RNF138: variants seen among roughly 807,000 people sequenced by gnomAD.
RNF138 encodes the protein ring finger protein 138, also known as E3 ubiquitin-protein ligase RNF138.
Under a neutral mutation model 31.0 loss-of-function variants are expected in RNF138, and 12 were observed. That is an observed-to-expected ratio of 0.39 (90% confidence interval 0.25 to 0.63). RNF138 has a LOEUF of 0.63. Ranked by LOEUF, RNF138 falls within the 20% of genes least tolerant of loss-of-function variation. RNF138 has a pLI of 0.52. For missense variants in RNF138, 192 were observed against 300.1 expected, an observed-to-expected ratio of 0.64 and a Z score of 2.66; for synonymous variants, 105 against 99.5, an observed-to-expected ratio of 1.06 and a Z score of -0.33.
chr18:32,115,861 G>A (rs944345150), intron 4 of RNF138, among the ~76,000 whole-genome samples: 2 of 151,964 alleles, frequency 1.3e-5, no homozygotes, highest in African/African-American at 4.8e-5. Context: ...GTTATCCATC[G>A]TTGCATCACA....
chr18:32,100,886 T>G (rs1025333927), intron 2 of RNF138, among the ~76,000 whole-genome samples: 5 of 152,220 alleles, frequency 3.3e-5, no homozygotes, highest in Non-Finnish European at 4.4e-5. Flanking sequence ...ATCACAGGCC[T>G]GAGCCACTGC....
chr18:32,115,038 C>A (rs1172483959), intron 4 of RNF138, among the ~76,000 whole-genome samples: 1 of 151,798 alleles, frequency 6.6e-6, no homozygotes, highest in African/African-American at 2.4e-5. Flanking sequence ...TTCTGGGTTT[C>A]TTCATTTCTA....
At chr18:32,101,525 A>G (rs1453437628) in intron 2 of RNF138, among the ~76,000 whole-genome samples, 1 of 152,134 alleles carries the variant, frequency 6.6e-6, no homozygotes, top group Non-Finnish European at 1.5e-5. Context: ...TTTAAGCCTT[A>G]GTTTCCTCAT....
chr18:32,114,937 T>C (rs1000944329), intron 4 of RNF138, among the ~76,000 whole-genome samples: 1 of 152,190 alleles, frequency 6.6e-6, no homozygotes. Flanking sequence ...TTGCCTAGTC[T>C]GAAAAAACTT....
intron 2 of RNF138, among the ~76,000 whole-genome samples, chr18:32,107,313 G>A (rs1392418901): frequency 1.4e-5 from 2 of 143,924 alleles, no homozygotes; most frequent in Admixed American, 1.5e-4. Context: ...TAGTAGAGAC[G>A]GCATTCCACT....
chr18:32,115,420 T>C (rs889428263), intron 4 of RNF138, among the ~76,000 whole-genome samples: 6 of 152,188 alleles, frequency 3.9e-5, no homozygotes, highest in African/African-American at 1.4e-4. Context: ...TTTTACATTC[T>C]ATCGCCAAAG....
At chr18:32,114,646 T>C (rs2040186110) in intron 4 of RNF138, among the ~76,000 whole-genome samples, 1 of 152,202 alleles carries the variant, frequency 6.6e-6, no homozygotes, top group African/African-American at 2.4e-5. Context: ...AAACAATGCA[T>C]TGTTAATTTT....
At chr18:32,111,245 C>T (rs1169458015) in intron 2 of RNF138, among the ~76,000 whole-genome samples, 1 of 152,210 alleles carries the variant, frequency 6.6e-6, no homozygotes, top group Admixed American at 6.5e-5. Context: ...TAGAACTTCC[C>T]AAACCAATTT....
At position 32,130,646 on chromosome 18, in the gene RNF138, T is replaced by TA. The variant is rs2040459363; in HGVS notation, c.*1463dup. ...ATAAAAAGGTATATTTTGGTTTTGTTAAAACCCTTGTTGACTTTTCTACAC... is the reference window on the plus strand; with the variant it reads ...ATAAAAAGGTATATTTTGGTTTTGTTAAAAACCCTTGTTGACTTTTCTACAC... On this transcript the variant is annotated 3_prime_UTR_variant, in exon 8 of 8. Transcript: ENST00000261593. 6.6e-6 allele frequency: 1 copy of TA among 152,500 alleles called. No homozygotes were observed. Among genetic ancestry groups the TA allele is most frequent in the African/African-American group, 2.4e-5 (1 of 41,460 alleles). 9.4% of individuals were successfully genotyped at this position (152,500 alleles called of 1,614,324 possible). A position where few individuals can be genotyped will look rare whatever the true frequency, so the allele number is the denominator to read the frequency against.
chr18:32,120,833 T>C (rs1051101138), intron 4 of RNF138, among the ~76,000 whole-genome samples: 1 of 152,148 alleles, frequency 6.6e-6, no homozygotes, highest in African/African-American at 2.4e-5. Context: ...ACCCCCAGTG[T>C]TTGTGTTTAT....
intron 2 of RNF138, among the ~76,000 whole-genome samples, chr18:32,110,631 A>C (rs1340847228): frequency 6.6e-6 from 1 of 152,156 alleles, no homozygotes; most frequent in Non-Finnish European, 1.5e-5. Flanking sequence ...GATTGGATTA[A>C]ATGTATATGT....
At chr18:32,099,366 AG>A (rs140752245) in intron 2 of RNF138, among the ~76,000 whole-genome samples, 3,057 of 152,240 alleles carry the variant, frequency 0.02, 95 homozygotes, top group African/African-American at 0.07. Flanking sequence ...GTACAGAGGA[AG>A]GAACAGTAAA....
chr18:32,119,326 T>G (rs2040266274), intron 4 of RNF138, among the ~76,000 whole-genome samples: 1 of 152,038 alleles, frequency 6.6e-6, no homozygotes, highest in Admixed American at 6.5e-5. Flanking sequence ...TCTCAAACTC[T>G]GGGGATCAAA....
chr18:32,111,602 A>G, intron 2 of RNF138, 152 bp from the exon 3 acceptor site: 1 of 633,310 alleles, frequency 1.6e-6, no homozygotes, highest in East Asian at 2.9e-5. Flanking sequence ...ATAAATACAT[A>G]TACAGTTACT....
At chr18:32,099,149 CT>C (rs1445316536) in intron 2 of RNF138, among the ~76,000 whole-genome samples, 1 of 151,934 alleles carries the variant, frequency 6.6e-6, no homozygotes, top group East Asian at 1.9e-4. Flanking sequence ...GTAAAGAGAC[CT>C]TTTTTGGTTA....
rs749363539 is a variant in RNF138, at chr18:32,092,769, C to T, written c.-8C>T. On this transcript the variant is annotated 5_prime_UTR_variant, in exon 2 of 8. Coordinates refer to ENST00000261593, the MANE Select transcript of RNF138 (RefSeq NM_016271.5). ...TGTCGCCATCGCCTTGTTTCCCCAT[C>T]CCCCGCCATGGCCGAGGACCTCTCT... The T allele has an allele frequency of 7.1e-6, 11 of 1,547,596 alleles. No homozygotes were observed. The South Asian group carries it at 8.2e-5, about 12-fold the overall frequency.
At position 32,130,531 on chromosome 18, in the gene RNF138, C is replaced by T. The variant is rs1301649748; in HGVS notation, c.*1344C>T. Reference sequence around the variant, plus strand: ...TTTGCTGACATTCCATACTAATATACATTGTTTATGCTTTCTTTAAAATAA... The same window carrying T: ...TTTGCTGACATTCCATACTAATATATATTGTTTATGCTTTCTTTAAAATAA... On this transcript the variant is annotated 3_prime_UTR_variant, in exon 8 of 8. Transcript: ENST00000261593. 3.3e-5 allele frequency: 5 copies of T among 152,346 alleles called. No individual in the cohort carries two copies. Among genetic ancestry groups the T allele is most frequent in the Admixed American group, 1.3e-4 (2 of 15,252 alleles). 9.4% of individuals were successfully genotyped at this position (152,346 alleles called of 1,614,324 possible). A position where few individuals can be genotyped will look rare whatever the true frequency, so the allele number is the denominator to read the frequency against.
intron 2 of RNF138, among the ~76,000 whole-genome samples, chr18:32,097,624 C>T (rs1202505014): frequency 2.6e-5 from 4 of 152,044 alleles, no homozygotes; most frequent in Non-Finnish European, 4.4e-5. Flanking sequence ...GCTGGGACTA[C>T]AGGCACAACA....
intron 6 of RNF138, among the ~76,000 whole-genome samples, chr18:32,125,840 TAAG>T (rs2040375506): frequency 6.6e-6 from 1 of 152,198 alleles, no homozygotes; most frequent in Non-Finnish European, 1.5e-5. Flanking sequence ...ACATACCACC[TAAG>T]AAGGTGTACT....
Sources: gnomAD v4.1 joint callset for allele counts (sites outside exome capture counted in the v4.1 genomes callset) on GRCh38, gnomAD v4.1.1 for gene constraint, MANE v1.5 for transcripts, NCBI Gene and HGNC (gene_info 2026-07-23, HGNC 2026-07-21) for gene names.